ZDHHC11B: variants seen among roughly 807,000 people sequenced by gnomAD.
ZDHHC11B encodes the protein probable palmitoyltransferase ZDHHC11B.
Under a neutral mutation model 42.3 loss-of-function variants are expected in ZDHHC11B, and 17 were observed. The observed-to-expected ratio is 0.40, with a 90% CI of 0.27 to 0.60. The LOEUF is 0.60. Among genes scored for constraint, ZDHHC11B ranks in the 20% least tolerant of loss-of-function variants. ZDHHC11B has a pLI of 0.41. For missense variants in ZDHHC11B, 262 were observed against 463.2 expected (o/e 0.57, Z 3.99); for synonymous variants, 123 against 193.5 (o/e 0.64, Z 3.02).
chr5:777,750 G>A (rs1263796590), intron 1 of ZDHHC11B, among the ~76,000 whole-genome samples: 1 of 151,978 alleles, frequency 6.6e-6, no homozygotes, highest in African/African-American at 2.4e-5. Flanking sequence ...CCACTCAGGA[G>A]TCTAGCTAGC....
intron 1 of ZDHHC11B, among the ~76,000 whole-genome samples, chr5:769,769 T>C (rs1415919806): frequency 2.0e-5 from 3 of 151,988 alleles, no homozygotes; most frequent in South Asian, 2.1e-4. Context: ...GCTCTTCTTT[T>C]TCTAAGACTG....
rs1331017767 is a variant in ZDHHC11B, at chr5:775,892, C to A, written c.-229-6962G>T. 3.1e-3 allele frequency among the ~76,000 whole-genome samples: 455 copies of A among 147,112 alleles called. 5 individuals carry two copies. The highest frequency in any genetic ancestry group is 0.011 in the African/African-American group (418 of 39,106). ...GAGGGGTGGGGGCCGAGGCGCTCAG[C>A]AGTATTCAGGCATCTCTCAGCTGGT... On this transcript the variant is annotated intron_variant, in intron 1 of 13. Coordinates refer to ENST00000508859, the MANE Select transcript of ZDHHC11B (RefSeq NM_001351303.2).
At chr5:765,968 A>G (rs931799711) in intron 4 of ZDHHC11B, among the ~76,000 whole-genome samples, 1 of 151,932 alleles carries the variant, frequency 6.6e-6, no homozygotes, top group Admixed American at 6.6e-5. Context: ...ACTTTCAGAA[A>G]TATGGTTCCA....
At position 730,451 on chromosome 5, in the gene ZDHHC11B, CG is replaced by C. The variant is rs1561123997; in HGVS notation, c.1040del (p.Pro347ArgfsTer16). 8 of 1,568,112 alleles carry C rather than the reference CG, an allele frequency of 5.1e-6. No homozygotes were observed. The highest frequency in any genetic ancestry group is 6.9e-6 in the Non-Finnish European group (8 of 1,164,436). On this transcript the variant is annotated frameshift_variant, in exon 12 of 14. Coordinates refer to ENST00000508859, the MANE Select transcript of ZDHHC11B (RefSeq NM_001351303.2). LOFTEE classifies it high-confidence loss of function. The stretch of plus-strand genomic sequence containing the variant: ...GAACTTACCCAAGTGTAGATGTACT[CG>C]GGGCATCATCTGCTTCCTGTGGGGG... ...DSKAQEADDA[P>X]STSTLGLQQE...
chr5:718,482 G>A lies in ZDHHC11B; in HGVS notation c.1059-1617C>T, dbSNP rs1174968064. Among the ~76,000 whole-genome samples the A allele has an allele frequency of 2.6e-5, 4 of 151,734 alleles. No homozygotes were observed. In the East Asian group the frequency reaches 5.8e-4, roughly 22 times the overall value. On this transcript the variant is annotated intron_variant, in intron 12 of 13. Transcript: ENST00000508859. Reference sequence around the variant, plus strand: ...AGGTCAGGAGATCGAGAACATCCTGGCTAACATGGTGAAACTCTGTCTCTA... The same window carrying A: ...AGGTCAGGAGATCGAGAACATCCTGACTAACATGGTGAAACTCTGTCTCTA...
At chr5:761,303 C>G (rs1199908514) in intron 4 of ZDHHC11B, among the ~76,000 whole-genome samples, 1 of 151,870 alleles carries the variant, frequency 6.6e-6, no homozygotes, top group Non-Finnish European at 1.5e-5. Flanking sequence ...GTGACATCCT[C>G]ATCCCTCACT....
intron 1 of ZDHHC11B, among the ~76,000 whole-genome samples, 199 bp downstream of exon 1, chr5:784,469 C>A (rs1313068322): frequency 6.6e-6 from 1 of 152,254 alleles, no homozygotes; most frequent in African/African-American, 2.4e-5. Flanking sequence ...CGCGTCCTCG[C>A]ACCGAGCCCG....
intron 10 of ZDHHC11B, among the ~76,000 whole-genome samples, chr5:734,229 C>T: frequency 7.4e-6 from 1 of 134,710 alleles, no homozygotes; most frequent in Non-Finnish European, 1.6e-5. Flanking sequence ...TGGCCTTTCA[C>T]TCCAGGAACC....
intron 7 of ZDHHC11B, among the ~76,000 whole-genome samples, chr5:749,959 G>A (rs111897540): frequency 0.027 from 3,168 of 119,418 alleles, 16 homozygotes; most frequent in African/African-American, 0.091. Context: ...CATCAGTCAC[G>A]CTTCGAAGTG....
chr5:773,698 T>A (rs1406444361), intron 1 of ZDHHC11B, among the ~76,000 whole-genome samples: 1 of 151,798 alleles, frequency 6.6e-6, no homozygotes, highest in Non-Finnish European at 1.5e-5. Context: ...CACATGCCCC[T>A]TCCCTGGCCA....
chr5:719,895 T>G (rs552920727), intron 12 of ZDHHC11B, among the ~76,000 whole-genome samples: 1 of 151,770 alleles, frequency 6.6e-6, no homozygotes, highest in Non-Finnish European at 1.5e-5. Context: ...AGTAGCATGA[T>G]GAAATGTCAT....
chr5:748,923 A>ACC (rs1441933740), intron 7 of ZDHHC11B, among the ~76,000 whole-genome samples: 2 of 107,166 alleles, frequency 1.9e-5, no homozygotes, highest in African/African-American at 3.1e-5. Flanking sequence ...CACAGCGCCC[A>ACC]CCCCTTCCTC....
chr5:763,985 T>C (rs1204457961), intron 4 of ZDHHC11B, among the ~76,000 whole-genome samples: 1 of 151,872 alleles, frequency 6.6e-6, no homozygotes, highest in Non-Finnish European at 1.5e-5. Context: ...TCTACCTCTA[T>C]AAACTGAAAG....
intron 3 of ZDHHC11B, 80 bp from the exon 4 acceptor site, chr5:766,999 G>A (rs1735520818): frequency 1.3e-6 from 2 of 1,501,084 alleles, no homozygotes; most frequent in East Asian, 2.3e-5. Flanking sequence ...GAGACCACGG[G>A]GACTGGGAAC....
chr5:783,631 C>T (rs1459927955), intron 1 of ZDHHC11B, among the ~76,000 whole-genome samples: 5 of 136,114 alleles, frequency 3.7e-5, no homozygotes, highest in African/African-American at 1.4e-4. Context: ...AGCCCCCCAA[C>T]CCCCATCAAA....
chr5:780,797 C>T (rs1484393684), intron 1 of ZDHHC11B, among the ~76,000 whole-genome samples: 1 of 151,976 alleles, frequency 6.6e-6, no homozygotes, highest in African/African-American at 2.4e-5. Context: ...GGCCCAGGCT[C>T]CTCAGGCACT....
chr5:742,199 G>A (rs147564775), intron 9 of ZDHHC11B, among the ~76,000 whole-genome samples: 2 of 136,866 alleles, frequency 1.5e-5, no homozygotes, highest in Non-Finnish European at 3.1e-5. Context: ...GTTCAGGCTG[G>A]TCTTGAACTC....
rs62332112 is a variant in ZDHHC11B at position 745,256 on chromosome 5, C to A, written c.827G>T (p.Arg276Leu). The A allele has an allele frequency of 6.4e-7, 1 of 1,565,018 alleles. No homozygotes were observed. Among genetic ancestry groups the A allele is most frequent in the African/African-American group, 1.4e-5 (1 of 73,990 alleles). Residue 276 changes from arginine (R) to leucine (L), a missense_variant, in exon 9 of 14, where the codon CGC (arginine) becomes CTC (leucine). Transcript: ENST00000508859. ...TTGATGTTTTGAACTCTCTTCTTTG[C>A]GGGTATTAATGAGATACTCAAAGGT... Reference protein sequence around the residue: ...MTTFEYLINTRKEESSKHQAV... With the variant: ...MTTFEYLINTLKEESSKHQAV...
chr5:753,908 G>A (rs1374785798), intron 6 of ZDHHC11B, among the ~76,000 whole-genome samples: 1 of 145,214 alleles, frequency 6.9e-6, no homozygotes, highest in Non-Finnish European at 1.5e-5. Context: ...AGTAGCTGGG[G>A]AGCAGGCGTG....
Sources: gnomAD v4.1 joint callset for allele counts (sites outside exome capture counted in the v4.1 genomes callset) on GRCh38, gnomAD v4.1.1 for gene constraint, MANE v1.5 for transcripts, NCBI Gene and HGNC (gene_info 2026-07-23, HGNC 2026-07-21) for gene names.